Variants in RPTOR observed in about 807,000 individuals in gnomAD.
The protein encoded by RPTOR is regulatory associated protein of MTOR complex 1.
RPTOR carries 21 observed loss-of-function variants against 169.9 expected under a neutral mutation model. The ratio of observed to expected loss-of-function variants is 0.12; its 90% CI spans 0.09 to 0.18. The LOEUF (loss-of-function observed/expected upper bound fraction) is 0.18, where lower values mean the gene tolerates loss of function less well. Among genes scored for constraint, RPTOR ranks in the 10% least tolerant of loss-of-function variants. The pLI is 1.00. For missense variants in RPTOR, 1,133 were observed against 1,855.9 expected, an observed-to-expected ratio of 0.61 and a Z score of 7.16; for synonymous variants, 732 against 753.2, an observed-to-expected ratio of 0.97 and a Z score of 0.46.
At chr17:80,580,071 G>A (rs574558431) in intron 1 of RPTOR, among the ~76,000 whole-genome samples, 7 of 152,282 alleles carry the variant, frequency 4.6e-5, no homozygotes, top group African/African-American at 1.7e-4. Flanking sequence ...TCACGGTCAG[G>A]CATGTTTCCT....
intron 3 of RPTOR, among the ~76,000 whole-genome samples, chr17:80,684,404 G>GTTTATTTA (rs55921146): frequency 3.6e-4 from 49 of 136,856 alleles, no homozygotes; most frequent in East Asian, 6.4e-4. Context: ...GGAGATACAT[G>GTTTATTTA]TTTATTTATT....
intron 6 of RPTOR, among the ~76,000 whole-genome samples, chr17:80,760,086 G>A (rs2066719054): frequency 6.6e-6 from 1 of 152,044 alleles, no homozygotes; most frequent in Admixed American, 6.6e-5. Flanking sequence ...GGAGCGTAGG[G>A]CTTTGGGATT....
intron 3 of RPTOR, among the ~76,000 whole-genome samples, chr17:80,666,852 C>T (rs1452205671): frequency 1.3e-5 from 2 of 152,066 alleles, no homozygotes; most frequent in Non-Finnish European, 2.9e-5. Context: ...AGGGTGATGG[C>T]GAGTTCTCTT....
chr17:80,943,820 C>G (rs2069065080), intron 25 of RPTOR, among the ~76,000 whole-genome samples: 1 of 152,190 alleles, frequency 6.6e-6, no homozygotes, highest in Admixed American at 6.5e-5. Context: ...CAGGTGAGGA[C>G]ACGGTTAGTA....
At chr17:80,678,239 G>A (rs1368163040) in intron 3 of RPTOR, among the ~76,000 whole-genome samples, 1 of 152,172 alleles carries the variant, frequency 6.6e-6, no homozygotes, top group African/African-American at 2.4e-5. Context: ...GGAAGGAGAA[G>A]GACCTTTTGA....
At chr17:80,783,214 G>A (rs564320619) in intron 6 of RPTOR, among the ~76,000 whole-genome samples, 94 of 152,272 alleles carry the variant, frequency 6.2e-4, no homozygotes, top group Non-Finnish European at 1.1e-3. Context: ...ATGATTTCCC[G>A]ACTTGACTCA....
chr17:80,822,997 A>T, intron 8 of RPTOR, 82 bp from the exon 9 acceptor site: 1 of 1,488,874 alleles, frequency 6.7e-7, no homozygotes, highest in Non-Finnish European at 9.1e-7. Context: ...GTAATTTTTG[A>T]TAGAAGTGAA....
At chr17:80,850,634 G>A (rs191585794) in intron 11 of RPTOR, among the ~76,000 whole-genome samples, 1 of 152,354 alleles carries the variant, frequency 6.6e-6, no homozygotes, top group Non-Finnish European at 1.5e-5. Context: ...AGATCAGTGT[G>A]AGCATTTCAT....
intron 1 of RPTOR, among the ~76,000 whole-genome samples, chr17:80,621,376 G>C (rs571354293): frequency 2.6e-5 from 4 of 152,244 alleles, no homozygotes; most frequent in Non-Finnish European, 4.4e-5. Flanking sequence ...CATTTGTAGA[G>C]GTGGAGGGAA....
At chr17:80,572,853 G>T (rs1432781068) in intron 1 of RPTOR, among the ~76,000 whole-genome samples, 1 of 152,176 alleles carries the variant, frequency 6.6e-6, no homozygotes, top group African/African-American at 2.4e-5. Context: ...TTCCTTTAAA[G>T]GTTGGTGCTT....
chr17:80,738,284 C>T (rs150405184), intron 5 of RPTOR, among the ~76,000 whole-genome samples: 1 of 152,326 alleles, frequency 6.6e-6, no homozygotes, highest in East Asian at 1.9e-4. Context: ...ACATTTGTGC[C>T]GTTTCATCCA....
At position 80,964,342 on chromosome 17, in the gene RPTOR, G is replaced by A. The variant is rs543182573; in HGVS notation, c.*12G>A. On this transcript the variant is annotated 3_prime_UTR_variant, in exon 34 of 34. Transcript: ENST00000306801. The stretch of plus-strand genomic sequence containing the variant: ...AGCGTGTCAGATAGCGGCGTGACCC[G>A]GGCCCACCAGGCCACGGCCGCCTGC... 6.2e-5 allele frequency: 99 copies of A among 1,604,828 alleles called. No homozygotes were observed. Among genetic ancestry groups the A allele is most frequent in the Non-Finnish European group, 7.5e-5 (89 of 1,179,732 alleles).
chr17:80,858,712 G>A (rs1178314133), intron 13 of RPTOR, among the ~76,000 whole-genome samples: 1 of 152,142 alleles, frequency 6.6e-6, no homozygotes, highest in African/African-American at 2.4e-5. Context: ...CCTTGAGGGG[G>A]TGGATGTCGG....
At chr17:80,612,825 G>T (rs1028113455) in intron 1 of RPTOR, among the ~76,000 whole-genome samples, 6 of 152,126 alleles carry the variant, frequency 3.9e-5, no homozygotes, top group African/African-American at 1.4e-4. Flanking sequence ...CCGTGATCAC[G>T]CCACTGCACT....
chr17:80,577,033 C>CTT (rs11451555), intron 1 of RPTOR, among the ~76,000 whole-genome samples: 11,762 of 142,700 alleles, frequency 0.082, 599 homozygotes, highest in Middle Eastern at 0.12. Context: ...AGTCATAATT[C>CTT]TTTTTTTTTT....
chr17:80,891,208 C>G (rs1474278588), intron 17 of RPTOR, among the ~76,000 whole-genome samples: 1 of 152,236 alleles, frequency 6.6e-6, no homozygotes, highest in African/African-American at 2.4e-5. Flanking sequence ...TTCCCGTTCC[C>G]TCTTAGGGAC....
chr17:80,608,440 T>C (rs1416373236), intron 1 of RPTOR, among the ~76,000 whole-genome samples: 1 of 152,090 alleles, frequency 6.6e-6, no homozygotes, highest in South Asian at 2.1e-4. Flanking sequence ...TTTCTAACAA[T>C]GTATACTCTA....
Position 80,876,710 on chromosome 17 carries a change from A to G in RPTOR, c.1510-3705A>G, listed in dbSNP as rs77882678. On this transcript the variant is annotated intron_variant, in intron 13 of 33. Transcript: ENST00000306801. ...CTTCCACCAAGCCCCTCCACCCAGG[A>G]TGTGTGTGTCGCCTGCCGGGTCTTC... Among the ~76,000 whole-genome samples, 320 of 66,670 alleles carry G rather than the reference A, an allele frequency of 4.8e-3. 6 individuals are homozygous for G. The highest frequency in any genetic ancestry group is 6.8e-3 in the Admixed American group (31 of 4,528). The allele number at this position is 66,670 out of a possible 152,430, so 43.7% of individuals were successfully genotyped here. A position where few individuals can be genotyped will look rare whatever the true frequency, so the allele number is the denominator to read the frequency against.
In RPTOR at chr17:80,643,794, A is replaced by T; in HGVS notation, c.332A>T (p.Glu111Val). The change falls in exon 3 of 34, where the codon GAG (glutamate) becomes GTG (valine). Residue 111 changes from glutamate to valine, a missense_variant. Around this residue, in one of 9 missense-constraint regions of RPTOR, gnomAD observed 74 missense variants for 168.3 expected, o/e 0.44. Transcript: ENST00000306801. ...GGTGCAAATTTACAGAAGCAGTACGAGAACTGGCAGCCAAGGGTAAGTGTG... is the reference window on the plus strand; with the variant it reads ...GGTGCAAATTTACAGAAGCAGTACGTGAACTGGCAGCCAAGGGTAAGTGTG... ...TIGANLQKQY[E>V]NWQPRARYKQ... The T allele has an allele frequency of 6.2e-7, 1 of 1,613,666 alleles. No individual in the cohort carries two copies. Among genetic ancestry groups the T allele is most frequent in the Non-Finnish European group, 8.5e-7 (1 of 1,179,704 alleles).
Sources: allele counts gnomAD v4.1 joint callset (sites outside exome capture counted in the v4.1 genomes callset), GRCh38; gene constraint gnomAD v4.1.1; regional missense constraint gnomAD v4.1.1; transcripts MANE v1.5; gene names NCBI Gene and HGNC (gene_info 2026-07-23, HGNC 2026-07-21).